The following SPG11 variants were observed in gnomAD, a reference collection of about 807,000 sequenced individuals.
SPG11 encodes spatacsin.
A neutral mutation model predicts 274.0 loss-of-function variants in SPG11; 222 were observed. The observed-to-expected ratio is 0.81, with a 90% CI of 0.73 to 0.91. The LOEUF (loss-of-function observed/expected upper bound fraction) is 0.91, where lower values mean the gene tolerates loss of function less well. SPG11 is among the 40% of genes least tolerant of loss of function. SPG11 has a pLI of 0.00. For synonymous variants in SPG11, 1,144 were observed against 1,039.7 expected (o/e 1.10, Z -1.93); for missense variants, 3,114 against 2,872.7 (o/e 1.08, Z -1.92).
rs2083901848 is a variant in SPG11 at position 44,626,477 on chromosome 15, T to C, written c.2098A>G (p.Lys700Glu). ...AAGAAAGTCTGTGCCTCTGGTATTT[T>C]GTTGTTTAAAATGGCGCTGGCAATA... ...EVIASAILNNKIPEAQTFFRI... is the reference protein window; with the variant it reads ...EVIASAILNNEIPEAQTFFRI... The change falls in exon 11 of 40, where the codon AAA becomes GAA. Residue 700 changes from lysine to glutamate, a missense_variant. Coordinates refer to ENST00000261866, the MANE Select transcript of SPG11 (RefSeq NM_025137.4). 1 of 1,614,008 alleles carries C rather than the reference T, an allele frequency of 6.2e-7. No homozygotes were observed.
At chr15:44,632,164 T>C (rs183749360) in intron 8 of SPG11, among the ~76,000 whole-genome samples, 80 of 152,188 alleles carry the variant, frequency 5.3e-4, no homozygotes, top group African/African-American at 1.7e-3. Context: ...ATCACGCTGA[T>C]TGAAGATTGA....
intron 6 of SPG11, among the ~76,000 whole-genome samples, chr15:44,649,355 C>T (rs993333973): frequency 6.6e-5 from 10 of 152,092 alleles, no homozygotes; most frequent in Admixed American, 2.6e-4. Flanking sequence ...CATGCCATCA[C>T]ACCCAGCTAA....
intron 7 of SPG11, among the ~76,000 whole-genome samples, chr15:44,642,575 G>C (rs1176165670): frequency 6.6e-6 from 1 of 151,284 alleles, no homozygotes; most frequent in Non-Finnish European, 1.5e-5. Flanking sequence ...AAAAATTTCA[G>C]AATGGCTGGG....
In SPG11 at chr15:44,651,768, A is replaced by G. The variant is rs751415874; in HGVS notation, c.1179T>C (p.His393=). 29 of 1,614,108 alleles carry G rather than the reference A, an allele frequency of 1.8e-5. 1 individual carries two copies. The highest frequency in any genetic ancestry group is 3.3e-5 in the Admixed American group (2 of 60,004). ...SWAFIPQDIM[H]GQYNVLQKDH... ...CTTTCTGTAGAACATTATATTGCCCATGCATTATGTCCTGTGGAATGAAGG... is the reference window on the plus strand; with the variant it reads ...CTTTCTGTAGAACATTATATTGCCCGTGCATTATGTCCTGTGGAATGAAGG... The change falls in exon 6 of 40, where the codon CAT becomes CAC. Residue 393 remains histidine, a synonymous_variant. Transcript: ENST00000261866.
chr15:44,565,986 C>G lies in SPG11; in HGVS notation c.6867G>C (p.Gln2289His), dbSNP rs762598343. The change falls in exon 38 of 40, where the codon CAG becomes CAC. Residue 2289 changes from glutamine to histidine, a missense_variant. Coordinates refer to ENST00000261866, the MANE Select transcript of SPG11 (RefSeq NM_025137.4). ...TCAACTTGGTGAGCCGCTGACAGTG[C>G]TGGGCCTGTCGCACACAGGAGTCCT... ...YAKDSCVRQA[Q>H]HCQRLTKLIT... 2.2e-5 allele frequency: 36 copies of G among 1,613,740 alleles called. No individual in the cohort carries two copies. In the South Asian group the frequency reaches 3.7e-4, roughly 17 times the overall value.
rs749776056 is a variant in SPG11, at chr15:44,626,337, C to A, written c.2238G>T (p.Lys746Asn). 4.3e-6 allele frequency: 7 copies of A among 1,611,224 alleles called. 1 individual carries two copies. Among genetic ancestry groups the A allele is most frequent in the African/African-American group, 1.3e-5 (1 of 74,786 alleles). Residue 746 changes from lysine (K) to asparagine (N), a missense_variant, in exon 11 of 40, where the codon AAG becomes AAT. Coordinates refer to ENST00000261866, the MANE Select transcript of SPG11 (RefSeq NM_025137.4). ...NNIKEASELL[K>N]NMGFDVKGQL... is the part of the protein sequence containing the mutation. ...TATGGATTACACCACTCACCATATT[C>A]TTCAAAAGTTCAGAGGCTTCCTTTA...
Position 44,604,237 on chromosome 15 carries a change from T to C in SPG11, c.3520+1788A>G, listed in dbSNP as rs543009278. ...AAGGCTTGAAGACCCTGGAGGTATC[T>C]GTCATCTTACAAAGGTCTTACCTGA... is the stretch of plus-strand genomic sequence containing the variant. On this transcript the variant is annotated intron_variant, in intron 20 of 39. Transcript: ENST00000261866. 44 of 385,494 alleles carry C rather than the reference T, an allele frequency of 1.1e-4. No homozygotes were observed. In the East Asian group the frequency reaches 3.3e-3, roughly 29 times the overall value. The allele number at this position is 385,494 out of a possible 1,614,324, so 23.9% of individuals were successfully genotyped here.
chr15:44,585,648 C>G lies in SPG11; in HGVS notation c.5109G>C (p.Leu1703Phe), dbSNP rs772862325. 1.3e-6 allele frequency: 2 copies of G among 1,586,616 alleles called. No individual in the cohort carries two copies. Among genetic ancestry groups the G allele is most frequent in the Non-Finnish European group, 1.7e-6 (2 of 1,158,868 alleles). Residue 1703 changes from leucine (L) to phenylalanine (F), a missense_variant, in exon 29 of 40, where the codon TTG becomes TTC. Transcript: ENST00000261866. ...AELAELPVDN[L>F]VIKEITQEMQ... Reference sequence around the variant, plus strand: ...AGACCGATGATACCTCTTTAATAACCAAGTTGTCCACAGGTAACTCAGCTA... The same window carrying G: ...AGACCGATGATACCTCTTTAATAACGAAGTTGTCCACAGGTAACTCAGCTA...
At chr15:44,573,792 A>G in intron 31 of SPG11, 47 bp from the exon 32 acceptor site, 1 of 1,587,408 alleles carries the variant, frequency 6.3e-7, no homozygotes, top group Non-Finnish European at 8.6e-7. Context: ...GAAGCCAGGA[A>G]AAAGCAAAAG....
intron 30 of SPG11, among the ~76,000 whole-genome samples, chr15:44,577,121 C>G (rs1294865106): frequency 6.6e-6 from 1 of 152,160 alleles, no homozygotes; most frequent in African/African-American, 2.4e-5. Context: ...AGCCACTGTG[C>G]CCAGTCTGAA....
chr15:44,629,191 C>A, intron 9 of SPG11, 42 bp downstream of exon 9: 1 of 1,601,818 alleles, frequency 6.2e-7, no homozygotes, highest in Non-Finnish European at 8.6e-7. Flanking sequence ...TGTTCTGACA[C>A]AGGAACAGTA....
At chr15:44,577,643 T>G (rs1037422288) in intron 30 of SPG11, among the ~76,000 whole-genome samples, 1 of 152,100 alleles carries the variant, frequency 6.6e-6, no homozygotes, top group East Asian at 1.9e-4. Context: ...TATAATAAGC[T>G]CAATCTACTG....
rs758399866 is a variant in SPG11, at chr15:44,600,529, T to C, written c.3624A>G (p.Pro1208=). The C allele has an allele frequency of 4.3e-6, 7 of 1,614,070 alleles. No homozygotes were observed. Among genetic ancestry groups the C allele is most frequent in the Non-Finnish European group, 5.1e-6 (6 of 1,180,036 alleles). The change falls in exon 21 of 40, where the codon CCA becomes CCG. Residue 1208 remains proline (P), a synonymous_variant. Transcript: ENST00000261866. ...CCAGAAAAGTACCAAATGCAAATGATGGCCGCCCATTATGTAAATAATAAG... is the reference window on the plus strand; with the variant it reads ...CCAGAAAAGTACCAAATGCAAATGACGGCCGCCCATTATGTAAATAATAAG... ...NFAYYLHNGR[P]SFAFGTFLVQ...
chr15:44,660,403 A>C, intron 2 of SPG11, 29 bp downstream of exon 2: 1 of 1,602,316 alleles, frequency 6.2e-7, no homozygotes, highest in Non-Finnish European at 8.5e-7. Context: ...AAATTTAAAT[A>C]TGCTGAAAGA....
intron 11 of SPG11, among the ~76,000 whole-genome samples, chr15:44,624,694 T>A (rs1484198938): frequency 6.6e-6 from 1 of 152,216 alleles, no homozygotes; most frequent in Non-Finnish European, 1.5e-5. Flanking sequence ...TAGACACACA[T>A]AACTATGTGA....
intron 25 of SPG11, among the ~76,000 whole-genome samples, chr15:44,595,836 C>A (rs1363798327): frequency 6.6e-6 from 1 of 152,226 alleles, no homozygotes; most frequent in Non-Finnish European, 1.5e-5. Flanking sequence ...GCGTCTTTCT[C>A]TGTGACTGCC....
intron 10 of SPG11, among the ~76,000 whole-genome samples, chr15:44,627,120 C>T (rs996864438): frequency 4.6e-5 from 7 of 151,844 alleles, no homozygotes; most frequent in Admixed American, 1.3e-4. Flanking sequence ...ACTGAAAGAC[C>T]GTAAAAGCAA....
chr15:44,601,509 C>T (rs1182590944), intron 20 of SPG11, among the ~76,000 whole-genome samples: 1 of 151,082 alleles, frequency 6.6e-6, no homozygotes, highest in Non-Finnish European at 1.5e-5. Flanking sequence ...AATCCACCTG[C>T]CTTGGCCTCC....
At chr15:44,613,977 G>A (rs567452345) in intron 16 of SPG11, among the ~76,000 whole-genome samples, 4 of 152,220 alleles carry the variant, frequency 2.6e-5, no homozygotes, top group South Asian at 4.1e-4. Flanking sequence ...CTAGGAGTTC[G>A]AGGCTGCAAT....
Sources: gnomAD v4.1 joint callset for allele counts (sites outside exome capture counted in the v4.1 genomes callset) on GRCh38, gnomAD v4.1.1 for gene constraint, MANE v1.5 for transcripts, NCBI Gene and HGNC (gene_info 2026-07-23, HGNC 2026-07-21) for gene names.